DAB1: variants seen among roughly 807,000 people sequenced by gnomAD.
The protein encoded by DAB1 is DAB adaptor protein 1.
In DAB1, 15 loss-of-function variants were observed where a neutral mutation model predicts 64.6. The ratio of observed to expected loss-of-function variants is 0.23; its 90% CI spans 0.16 to 0.36. The LOEUF (loss-of-function observed/expected upper bound fraction) is 0.36. Among genes scored for constraint, DAB1 ranks in the 10% least tolerant of loss-of-function variants. The pLI is 1.00. For missense variants in DAB1, 596 were observed against 706.7 expected (o/e 0.84, Z 1.78); for synonymous variants, 235 against 251.9 (o/e 0.93, Z 0.64).
chr1:58,261,652 A>T (rs1376051024), intron 4 of DAB1, among the ~76,000 whole-genome samples: 1 of 152,130 alleles, frequency 6.6e-6, no homozygotes, highest in Non-Finnish European at 1.5e-5. Flanking sequence ...GAGTGAGAAA[A>T]AATGATTGCA....
At chr1:57,659,571 C>G (rs1321767472) in intron 6 of DAB1, among the ~76,000 whole-genome samples, 1 of 152,090 alleles carries the variant, frequency 6.6e-6, no homozygotes, top group African/African-American at 2.4e-5. Context: ...AAGTCACTTT[C>G]CTCCCCTTCC....
At chr1:58,005,771 T>C (rs1570212251) in intron 5 of DAB1, among the ~76,000 whole-genome samples, 1 of 152,074 alleles carries the variant, frequency 6.6e-6, no homozygotes, top group East Asian at 1.9e-4. Context: ...ATGATGACAA[T>C]AGCTCCCATT....
chr1:58,016,547 A>T (rs1646741975), intron 5 of DAB1, among the ~76,000 whole-genome samples: 1 of 152,072 alleles, frequency 6.6e-6, no homozygotes, highest in African/African-American at 2.4e-5. Flanking sequence ...CTTCAAACTC[A>T]ACATGTTCAA....
intron 5 of DAB1, among the ~76,000 whole-genome samples, chr1:57,993,158 G>A (rs900849608): frequency 6.6e-6 from 1 of 152,106 alleles, no homozygotes; most frequent in African/African-American, 2.4e-5. Context: ...CATTTAGGGT[G>A]ATTTCCAGCT....
chr1:57,934,215 C>T (rs1341916964), intron 5 of DAB1, among the ~76,000 whole-genome samples: 2 of 152,040 alleles, frequency 1.3e-5, no homozygotes, highest in Non-Finnish European at 2.9e-5. Flanking sequence ...TGAGCCACTG[C>T]GCCCGGCCCT....
At chr1:58,285,090 C>T (rs1010056851) in intron 4 of DAB1, among the ~76,000 whole-genome samples, 2 of 152,042 alleles carry the variant, frequency 1.3e-5, no homozygotes, top group South Asian at 2.1e-4. Flanking sequence ...AAAAAGCCTT[C>T]GATAAAATTC....
chr1:57,421,917 C>CGGGGGGGGGTGGCG (rs1684935849), intron 1 of DAB1, among the ~76,000 whole-genome samples: 1 of 6,818 alleles, frequency 1.5e-4, no homozygotes, highest in African/African-American at 3.7e-4. Context: ...GGGGGGGTGG[C>CGGGGGGGGGTGGCG]GGGGGGGGGT....
At chr1:57,633,233 G>A (rs1646012371) in intron 7 of DAB1, among the ~76,000 whole-genome samples, 1 of 152,148 alleles carries the variant, frequency 6.6e-6, no homozygotes, top group Non-Finnish European at 1.5e-5. Context: ...GAGAGGAGGG[G>A]GCCGAGATGA....
chr1:57,173,375 A>G (rs958887369), intron 2 of DAB1, among the ~76,000 whole-genome samples: 33 of 152,342 alleles, frequency 2.2e-4, no homozygotes, highest in African/African-American at 7.9e-4. Flanking sequence ...TAGTCAAAAC[A>G]TAGTCAAAAC....
intron 6 of DAB1, among the ~76,000 whole-genome samples, chr1:57,809,983 A>C (rs1651541718): frequency 6.6e-6 from 1 of 152,286 alleles, no homozygotes; most frequent in South Asian, 2.1e-4. Flanking sequence ...TTCCTGTTGC[A>C]CAACACCTGT....
chr1:57,867,906 C>A (rs1299227141), intron 1 of DAB1, among the ~76,000 whole-genome samples: 1 of 152,146 alleles, frequency 6.6e-6, no homozygotes, highest in Non-Finnish European at 1.5e-5. Flanking sequence ...TTAACCAGCA[C>A]TAGAAAAGCA....
intron 4 of DAB1, among the ~76,000 whole-genome samples, chr1:58,259,439 A>T (rs1661003078): frequency 6.6e-6 from 1 of 152,196 alleles, no homozygotes; most frequent in South Asian, 2.1e-4. Context: ...GATTCCCATG[A>T]TGCCTGAGCT....
intron 4 of DAB1, among the ~76,000 whole-genome samples, chr1:58,196,746 C>T (rs949594129): frequency 3.9e-5 from 6 of 152,116 alleles, no homozygotes; most frequent in Non-Finnish European, 7.4e-5. Flanking sequence ...CATGAGAACT[C>T]CCTTACTACC....
chr1:57,796,330 A>C (rs1483629495), intron 6 of DAB1, among the ~76,000 whole-genome samples: 1 of 152,012 alleles, frequency 6.6e-6, no homozygotes, highest in African/African-American at 2.4e-5. Context: ...GATCGAGACC[A>C]TCCTGGCTAA....
chr1:57,554,011 T>C (rs527883873), intron 7 of DAB1, among the ~76,000 whole-genome samples: 34 of 152,184 alleles, frequency 2.2e-4, no homozygotes, highest in South Asian at 8.3e-4. Flanking sequence ...CTGCTGCGTT[T>C]TGAGGATGAG....
At chr1:57,072,659 A>G (rs1651601087) in intron 4 of DAB1, among the ~76,000 whole-genome samples, 1 of 152,244 alleles carries the variant, frequency 6.6e-6, no homozygotes, top group African/African-American at 2.4e-5. Context: ...CATCTGCAAC[A>G]GTGGCTTTAT....
At chr1:57,912,797 T>C (rs1644666739) in intron 5 of DAB1, among the ~76,000 whole-genome samples, 1 of 152,006 alleles carries the variant, frequency 6.6e-6, no homozygotes, top group Middle Eastern at 3.2e-3. Flanking sequence ...TATACACCAA[T>C]AACAGACAAA....
intron 4 of DAB1, among the ~76,000 whole-genome samples, chr1:58,180,292 T>TTTTTTTTTTTTTTTTTTTTTTTTTTTC (rs1557684542): frequency 4.0e-5 from 5 of 123,832 alleles, no homozygotes; most frequent in South Asian, 2.9e-4. Flanking sequence ...TTTTTTTTTT[T>TTTTTTTTTTTTTTTTTTTTTTTTTTTC]TTTTTTTTTT....
chr1:57,773,344 TAC>T (rs60059518), intron 6 of DAB1, among the ~76,000 whole-genome samples: 4,822 of 147,398 alleles, frequency 0.033, 193 homozygotes, highest in African/African-American at 0.1. Flanking sequence ...TTGAGTTGTA[TAC>T]ACACACACAC....
Sources: allele counts gnomAD v4.1 joint callset (sites outside exome capture counted in the v4.1 genomes callset), GRCh38; gene constraint gnomAD v4.1.1; transcripts MANE v1.5; gene names NCBI Gene and HGNC (gene_info 2026-07-23, HGNC 2026-07-21).